DYSF: variants seen among roughly 807,000 people sequenced by gnomAD.
DYSF encodes dystrophy-associated fer-1-like 1.
In DYSF, 212 loss-of-function variants were observed where a neutral mutation model predicts 274.9. The observed-to-expected ratio is 0.77, with a 90% CI of 0.69 to 0.86. DYSF has a LOEUF of 0.86. Ranked by LOEUF, DYSF falls within the 40% of genes least tolerant of loss-of-function variation. The pLI is 0.00. For missense variants in DYSF, 2,666 were observed against 2,783.2 expected, an observed-to-expected ratio of 0.96 and a Z score of 0.95; for synonymous variants, 1,091 against 1,078.7, an observed-to-expected ratio of 1.01 and a Z score of -0.22.
rs367660432 is a variant in DYSF, at chr2:71,520,139, G to A, written c.1003-39G>A. On this transcript the variant is annotated intron_variant, in intron 10 of 55. Coordinates refer to ENST00000410020, the MANE Select transcript of DYSF (RefSeq NM_001130987.2). ...ACCACACTTTATTTAACGCTTTGGC[G>A]GCAAGAGTTTGATTTGTGTCTCCTC... is the stretch of plus-strand genomic sequence containing the variant. 858 of 1,613,792 alleles carry A rather than the reference G, an allele frequency of 5.3e-4. 1 individual carries two copies. Among genetic ancestry groups the A allele is most frequent in the Non-Finnish European group, 6.5e-4 (768 of 1,179,740 alleles).
intron 42 of DYSF, among the ~76,000 whole-genome samples, chr2:71,644,359 C>A (rs1206073071): frequency 6.6e-6 from 1 of 152,160 alleles, no homozygotes; most frequent in African/African-American, 2.4e-5. Flanking sequence ...CTACCCCTTC[C>A]CAAGATCAGG....
At chr2:71,679,376 C>G (rs1316820848) in intron 53 of DYSF, 141 bp downstream of exon 53, 2 of 867,420 alleles carry the variant, frequency 2.3e-6, no homozygotes, top group South Asian at 1.7e-5. Flanking sequence ...TCCCCCCTCT[C>G]TCTCTATTTT....
At chr2:71,472,069 T>C (rs962972144) in intron 1 of DYSF, among the ~76,000 whole-genome samples, 2 of 152,224 alleles carry the variant, frequency 1.3e-5, no homozygotes, top group East Asian at 3.8e-4. Flanking sequence ...TATTTTCTTA[T>C]ATGGATGCAC....
chr2:71,618,513 G>GGTGTGTGTGTGGTAGAGGTGGGGT (rs1558640788), intron 40 of DYSF, among the ~76,000 whole-genome samples: 1 of 62,116 alleles, frequency 1.6e-5, no homozygotes, highest in Non-Finnish European at 4.1e-5. Flanking sequence ...GTTTGGTAGA[G>GGTGTGTGTGTGGTAGAGGTGGGGT]GTGTGTGTGT....
chr2:71,660,164 G>C (rs2094851974), intron 44 of DYSF, among the ~76,000 whole-genome samples: 1 of 152,232 alleles, frequency 6.6e-6, no homozygotes, highest in Non-Finnish European at 1.5e-5. Context: ...ACCTCCCTGG[G>C]CTAGCCTAGG....
intron 3 of DYSF, among the ~76,000 whole-genome samples, chr2:71,485,072 C>T (rs998698267): frequency 1.3e-5 from 2 of 152,214 alleles, no homozygotes; most frequent in Non-Finnish European, 2.9e-5. Flanking sequence ...CACCCGTTTA[C>T]CAGAAACACC....
chr2:71,654,351 A>G (rs1254183956), intron 42 of DYSF, among the ~76,000 whole-genome samples: 3 of 152,240 alleles, frequency 2.0e-5, no homozygotes, highest in Non-Finnish European at 4.4e-5. Context: ...TGTGCACATC[A>G]GAGGTCTTAA....
At chr2:71,474,783 A>T (rs2082278111) in intron 1 of DYSF, among the ~76,000 whole-genome samples, 1 of 152,196 alleles carries the variant, frequency 6.6e-6, no homozygotes, top group Non-Finnish European at 1.5e-5. Flanking sequence ...AAAATGATTA[A>T]AAGATATTTA....
intron 47 of DYSF, among the ~76,000 whole-genome samples, chr2:71,666,855 G>A (rs1324089874): frequency 1.3e-5 from 2 of 152,238 alleles, no homozygotes; most frequent in Non-Finnish European, 2.9e-5. Flanking sequence ...TCCTCATGAA[G>A]ACTAAATATG....
intron 32 of DYSF, among the ~76,000 whole-genome samples, chr2:71,593,578 C>T (rs2093331771): frequency 6.6e-6 from 1 of 152,198 alleles, no homozygotes; most frequent in South Asian, 2.1e-4. Flanking sequence ...CTCCGTCCTG[C>T]CCACCCCTTT....
At chr2:71,663,648 C>G (rs1006527173) in intron 45 of DYSF, among the ~76,000 whole-genome samples, 1 of 152,220 alleles carries the variant, frequency 6.6e-6, no homozygotes, top group African/African-American at 2.4e-5. Flanking sequence ...GAATACCTCT[C>G]CCTTTGATGC....
chr2:71,670,817 G>T (rs1024804982), intron 51 of DYSF, among the ~76,000 whole-genome samples: 4 of 152,176 alleles, frequency 2.6e-5, no homozygotes, highest in Admixed American at 2.6e-4. Context: ...GGGCTATGCT[G>T]GTTGGAGGCA....
rs757197206 is a variant in DYSF at position 71,674,205 on chromosome 2, C to T, written c.5793C>T (p.Phe1931=). The part of the protein sequence containing the change: ...QVCTIAKKDA[F]WRLDKTESKI... ...TTCCTCTTCCGGGTCAGGATGCCTT[C>T]TGGAGGCTGGACAAGACTGAGAGCA... Residue 1931 remains phenylalanine (F), a synonymous_variant, in exon 52 of 56, where the codon TTC becomes TTT. Coordinates refer to ENST00000410020, the MANE Select transcript of DYSF (RefSeq NM_001130987.2). 1.9e-6 allele frequency: 3 copies of T among 1,614,072 alleles called. No homozygotes were observed. The highest frequency in any genetic ancestry group is 1.3e-5 in the African/African-American group (1 of 74,928).
intron 30 of DYSF, chr2:71,576,433 A>T (rs1451397965): frequency 1.3e-5 from 2 of 152,424 alleles, no homozygotes; most frequent in Non-Finnish European, 2.9e-5. Flanking sequence ...TTGTGTAGAG[A>T]TCCAGGAGAG....
intron 3 of DYSF, among the ~76,000 whole-genome samples, chr2:71,493,060 TA>T (rs371326730): frequency 2.7e-5 from 3 of 109,438 alleles, no homozygotes; most frequent in Non-Finnish European, 6.7e-5. Flanking sequence ...TTAATATATA[TA>T]TTTTTTTTGT....
chr2:71,611,231 G>A lies in DYSF; in HGVS notation c.3958-14G>A. On this transcript the variant is annotated splice_polypyrimidine_tract_variant and intron_variant, in intron 36 of 55. Coordinates refer to ENST00000410020, the MANE Select transcript of DYSF (RefSeq NM_001130987.2). Reference sequence around the variant, plus strand: ...TTCCACCTTTGTCTCCATTCTACCTGCTGTCCACTGCAGTCTGAGGACACA... The same window carrying A: ...TTCCACCTTTGTCTCCATTCTACCTACTGTCCACTGCAGTCTGAGGACACA... The A allele has an allele frequency of 6.3e-7, 1 of 1,586,598 alleles. No homozygotes were observed. The highest frequency in any genetic ancestry group is 8.7e-7 in the Non-Finnish European group (1 of 1,155,130).
At chr2:71,641,324 G>A (rs2094482686) in intron 41 of DYSF, among the ~76,000 whole-genome samples, 3 of 151,262 alleles carry the variant, frequency 2.0e-5, no homozygotes, top group South Asian at 2.1e-4. Context: ...GACTACAGGC[G>A]CCCGCCACCA....
chr2:71,487,580 C>T (rs2083463106), intron 3 of DYSF, among the ~76,000 whole-genome samples: 1 of 152,194 alleles, frequency 6.6e-6, no homozygotes, highest in Non-Finnish European at 1.5e-5. Flanking sequence ...ATGATCTCGG[C>T]TCACTGCAAC....
At chr2:71,532,547 G>A (rs58549937) in intron 14 of DYSF, among the ~76,000 whole-genome samples, 10,054 of 152,278 alleles carry the variant, frequency 0.066, 462 homozygotes, top group African/African-American at 0.13. Flanking sequence ...CACAGGCAGT[G>A]CTGGCTGGGG....
Sources: gnomAD v4.1 joint callset for allele counts (sites outside exome capture counted in the v4.1 genomes callset) on GRCh38, gnomAD v4.1.1 for gene constraint, MANE v1.5 for transcripts, NCBI Gene and HGNC (gene_info 2026-07-23, HGNC 2026-07-21) for gene names.